Variants in CDC42BPA observed in about 807,000 individuals in gnomAD.
CDC42BPA encodes CDC42 binding protein kinase alpha, also known as serine/threonine-protein kinase MRCK alpha.
A neutral mutation model predicts 223.5 loss-of-function variants in CDC42BPA; 80 were observed. The observed-to-expected ratio is 0.36, with a 90% CI of 0.30 to 0.43. CDC42BPA has a LOEUF of 0.43. Among genes scored for constraint, CDC42BPA ranks in the 20% least tolerant of loss-of-function variants. The pLI is 1.00. For missense variants in CDC42BPA, 1,743 were observed against 2,099.9 expected (o/e 0.83, Z 3.32); for synonymous variants, 694 against 718.6 (o/e 0.97, Z 0.55).
At chr1:227,058,435 G>A (rs1005300452) in intron 21 of CDC42BPA, among the ~76,000 whole-genome samples, 2 of 152,166 alleles carry the variant, frequency 1.3e-5, no homozygotes, top group African/African-American at 4.8e-5. Flanking sequence ...AATTCGGAAT[G>A]TAAAGTGTTG....
intron 3 of CDC42BPA, among the ~76,000 whole-genome samples, chr1:227,211,305 A>C (rs1673850199): frequency 6.6e-6 from 1 of 152,142 alleles, no homozygotes; most frequent in Non-Finnish European, 1.5e-5. Flanking sequence ...ACAATTATAC[A>C]CTATTAGTAG....
chr1:227,052,561 G>C lies in CDC42BPA; in HGVS notation c.2905-576C>G, dbSNP rs187809143. 6.6e-5 allele frequency among the ~76,000 whole-genome samples: 10 copies of C among 152,212 alleles called. No homozygotes were observed. The East Asian group carries it at 1.7e-3, about 26-fold the overall frequency. On this transcript the variant is annotated intron_variant, in intron 21 of 36. Coordinates refer to ENST00000366766, the MANE Select transcript of CDC42BPA (RefSeq NM_001394014.1). ...TTTTTAGAAATTAAAAATGCTTTGGGTTAAAATTTAGCATAAAAGATCTTA... is the reference window on the plus strand; with the variant it reads ...TTTTTAGAAATTAAAAATGCTTTGGCTTAAAATTTAGCATAAAAGATCTTA...
At chr1:227,111,012 C>G (rs1325394981) in intron 14 of CDC42BPA, among the ~76,000 whole-genome samples, 1 of 152,138 alleles carries the variant, frequency 6.6e-6, no homozygotes, top group African/African-American at 2.4e-5. Context: ...AACAATATAA[C>G]TGTCTGTGTT....
At chr1:227,168,074 C>T (rs1200826441) in intron 5 of CDC42BPA, among the ~76,000 whole-genome samples, 2 of 151,858 alleles carry the variant, frequency 1.3e-5, no homozygotes, top group East Asian at 1.9e-4. Context: ...TACAGGTGCC[C>T]GCCACTAAGC....
At chr1:227,122,908 T>C (rs533032131) in intron 11 of CDC42BPA, among the ~76,000 whole-genome samples, 3 of 152,216 alleles carry the variant, frequency 2.0e-5, no homozygotes, top group Non-Finnish European at 4.4e-5. Flanking sequence ...AATATGGCTA[T>C]AATTCTGAAA....
chr1:227,093,879 T>C (rs1683519853), intron 15 of CDC42BPA, among the ~76,000 whole-genome samples: 1 of 152,202 alleles, frequency 6.6e-6, no homozygotes, highest in South Asian at 2.1e-4. Context: ...ACTCTCGTAT[T>C]GCTTCAAACC....
intron 1 of CDC42BPA, among the ~76,000 whole-genome samples, chr1:227,261,722 G>A (rs1684115916): frequency 1.3e-5 from 2 of 152,144 alleles, no homozygotes; most frequent in African/African-American, 4.8e-5. Context: ...GATCCACAAC[G>A]AATGAAGGTA....
chr1:227,258,392 A>C (rs1057102722), intron 1 of CDC42BPA, among the ~76,000 whole-genome samples: 1 of 150,926 alleles, frequency 6.6e-6, no homozygotes, highest in African/African-American at 2.5e-5. Context: ...CAGGTAAATT[A>C]TACCTATTGA....
intron 1 of CDC42BPA, among the ~76,000 whole-genome samples, chr1:227,265,580 G>A (rs1357774296): frequency 1.3e-5 from 2 of 148,860 alleles, no homozygotes; most frequent in African/African-American, 5.0e-5. Context: ...AGTGACCCAA[G>A]ATCACGCCAC....
chr1:227,162,868 A>ATATGTGTGTG (rs1553371209), intron 5 of CDC42BPA, among the ~76,000 whole-genome samples: 10 of 149,354 alleles, frequency 6.7e-5, no homozygotes, highest in East Asian at 2.0e-4. Context: ...ATAAATATAT[A>ATATGTGTGTG]TGTGTGTGTG....
chr1:227,022,129 C>G (rs2148565789), intron 32 of CDC42BPA, among the ~76,000 whole-genome samples: 1 of 152,294 alleles, frequency 6.6e-6, no homozygotes, highest in Non-Finnish European at 1.5e-5. Context: ...TATTTGTCTA[C>G]TTAAAATTAT....
intron 1 of CDC42BPA, among the ~76,000 whole-genome samples, chr1:227,285,297 C>T (rs890225557): frequency 6.6e-6 from 1 of 152,182 alleles, no homozygotes; most frequent in Non-Finnish European, 1.5e-5. Flanking sequence ...GAGTCATAAT[C>T]TCTAGAAGTG....
At chr1:227,056,087 G>A (rs2148906659) in intron 21 of CDC42BPA, among the ~76,000 whole-genome samples, 1 of 152,180 alleles carries the variant, frequency 6.6e-6, no homozygotes, top group Middle Eastern at 3.4e-3. Context: ...GTTTTTAGAT[G>A]ACCCACTTAT....
chr1:226,990,541 CAAAG>C lies in CDC42BPA; in HGVS notation c.*3723_*3726del, dbSNP rs1278176082. On this transcript the variant is annotated 3_prime_UTR_variant, in exon 37 of 37. Coordinates refer to ENST00000366766, the MANE Select transcript of CDC42BPA (RefSeq NM_001394014.1). ...TGTGCTCACCAGACATGGGCTACGG[CAAAG>C]TCTGCTCTGAGCGCCCCTCTGTCTA... is the stretch of plus-strand genomic sequence containing the variant. 6.6e-6 allele frequency: 1 copy of C among 152,308 alleles called. No individual in the cohort carries two copies. Among genetic ancestry groups the C allele is most frequent in the Non-Finnish European group, 1.5e-5 (1 of 68,096 alleles). 9.4% of individuals were successfully genotyped at this position (152,308 alleles called of 1,614,324 possible).
chr1:227,060,467 A>G (rs892749262), intron 21 of CDC42BPA, among the ~76,000 whole-genome samples: 1 of 152,134 alleles, frequency 6.6e-6, no homozygotes, highest in Non-Finnish European at 1.5e-5. Context: ...AAGTTCACAG[A>G]CTGGTAGAGA....
At chr1:227,027,582 A>T (rs1038541546) in intron 30 of CDC42BPA, among the ~76,000 whole-genome samples, 6 of 152,132 alleles carry the variant, frequency 3.9e-5, no homozygotes, top group Non-Finnish European at 7.4e-5. Context: ...TTTTTCATTA[A>T]AAACAAAACA....
At chr1:227,261,124 C>CTTTATTTTTTTTTTTTTTTT (rs386417862) in intron 1 of CDC42BPA, among the ~76,000 whole-genome samples, 1 of 121,000 alleles carries the variant, frequency 8.3e-6, no homozygotes, top group Admixed American at 8.7e-5. Context: ...TTGAGTTTTT[C>CTTTATTTTTTTTTTTTTTTT]TTTTTTTTTG....
intron 1 of CDC42BPA, 44 bp from the exon 2 acceptor site, chr1:227,254,199 G>T: frequency 1.0e-6 from 1 of 988,428 alleles, no homozygotes; most frequent in South Asian, 1.4e-5. Context: ...AATAAAATGT[G>T]ATGCAAATTA....
chr1:227,237,366 C>A (rs1679241218), intron 2 of CDC42BPA, among the ~76,000 whole-genome samples: 1 of 152,166 alleles, frequency 6.6e-6, no homozygotes, highest in South Asian at 2.1e-4. Flanking sequence ...CTACCCCATT[C>A]CCTCGACTAC....
Sources: gnomAD v4.1 joint callset for allele counts (sites outside exome capture counted in the v4.1 genomes callset) on GRCh38, gnomAD v4.1.1 for gene constraint, MANE v1.5 for transcripts, NCBI Gene and HGNC (gene_info 2026-07-23, HGNC 2026-07-21) for gene names.